The following ASTN2 variants were observed in gnomAD, a reference collection of about 807,000 sequenced individuals.
The protein encoded by ASTN2 is astrotactin-2.
In ASTN2, 54 loss-of-function variants were observed where a neutral mutation model predicts 139.8. That is an observed-to-expected ratio of 0.39 (90% confidence interval 0.31 to 0.48). ASTN2 has a LOEUF of 0.48. Among genes scored for constraint, ASTN2 ranks in the 20% least tolerant of loss-of-function variants. ASTN2 has a pLI of 0.95. For synonymous variants in ASTN2, 756 were observed against 719.5 expected (o/e 1.05, Z -0.81); for missense variants, 1,565 against 1,725.1 (o/e 0.91, Z 1.64).
At chr9:116,899,754 A>G (rs1445703825) in intron 10 of ASTN2, among the ~76,000 whole-genome samples, 1 of 152,232 alleles carries the variant, frequency 6.6e-6, no homozygotes, top group Non-Finnish European at 1.5e-5. Flanking sequence ...CACAGGATTA[A>G]AAGTTATGGC....
At chr9:116,651,425 G>C (rs1184202243) in intron 17 of ASTN2, 103 bp downstream of exon 17, 2 of 1,288,606 alleles carry the variant, frequency 1.6e-6, no homozygotes, top group Non-Finnish European at 1.1e-6. Flanking sequence ...ATGATGATAT[G>C]ATGATGATCA....
intron 3 of ASTN2, among the ~76,000 whole-genome samples, chr9:117,189,807 TA>T (rs1831300331): frequency 6.6e-6 from 1 of 152,116 alleles, no homozygotes; most frequent in Non-Finnish European, 1.5e-5. Context: ...GCCTGGCTGG[TA>T]AAACAAAACT....
intron 3 of ASTN2, among the ~76,000 whole-genome samples, chr9:117,183,012 G>A (rs1193690036): frequency 2.0e-5 from 3 of 152,200 alleles, no homozygotes; most frequent in Non-Finnish European, 4.4e-5. Context: ...TTGGTTGAAC[G>A]CTACATACCC....
chr9:116,802,083 CT>C (rs796156202), intron 13 of ASTN2, among the ~76,000 whole-genome samples: 145 of 121,712 alleles, frequency 1.2e-3, no homozygotes, highest in African/African-American at 3.3e-3. Context: ...TTCTTTCTTT[CT>C]TTTTTTTTTT....
intron 4 of ASTN2, among the ~76,000 whole-genome samples, chr9:117,137,182 C>G (rs1330516264): frequency 6.6e-6 from 1 of 152,150 alleles, no homozygotes; most frequent in East Asian, 1.9e-4. Context: ...CTTCCTCTGT[C>G]TGGCTAAGAA....
intron 20 of ASTN2, among the ~76,000 whole-genome samples, chr9:116,456,006 A>G (rs1417150241): frequency 6.6e-6 from 1 of 152,136 alleles, no homozygotes; most frequent in Admixed American, 6.5e-5. Context: ...TAGTACTAGA[A>G]GCCTAGCTAG....
chr9:116,986,216 T>C (rs1177591743), intron 7 of ASTN2, among the ~76,000 whole-genome samples: 2 of 126,006 alleles, frequency 1.6e-5, no homozygotes, highest in Admixed American at 1.9e-4. Context: ...TCCTTGCCCC[T>C]CTGGGCTGCA....
At chr9:116,996,574 C>A (rs1837022811) in intron 7 of ASTN2, among the ~76,000 whole-genome samples, 1 of 151,852 alleles carries the variant, frequency 6.6e-6, no homozygotes, top group South Asian at 2.1e-4. Flanking sequence ...AGGAGTGAAC[C>A]AACTAAAGAA....
At chr9:116,818,885 G>A (rs896706373) in intron 12 of ASTN2, among the ~76,000 whole-genome samples, 1 of 152,170 alleles carries the variant, frequency 6.6e-6, no homozygotes, top group African/African-American at 2.4e-5. Flanking sequence ...GAGATGTTGA[G>A]CCACATCACT....
chr9:117,162,042 T>G (rs1282301899), intron 3 of ASTN2, among the ~76,000 whole-genome samples: 1 of 151,924 alleles, frequency 6.6e-6, no homozygotes, highest in African/African-American at 2.4e-5. Context: ...AAATGGAAAT[T>G]TCAGCTCAGA....
chr9:116,556,734 T>C (rs1302593023), intron 19 of ASTN2, among the ~76,000 whole-genome samples: 3 of 152,180 alleles, frequency 2.0e-5, no homozygotes, highest in Admixed American at 6.5e-5. Flanking sequence ...ATAACTCTTT[T>C]ATAAGCAAAT....
At chr9:117,075,287 G>A (rs1828249306) in intron 5 of ASTN2, among the ~76,000 whole-genome samples, 1 of 152,130 alleles carries the variant, frequency 6.6e-6, no homozygotes, top group Non-Finnish European at 1.5e-5. Context: ...CTAGCCCCAG[G>A]GAGTGATTTA....
chr9:117,258,351 C>T (rs1833741189), intron 2 of ASTN2, among the ~76,000 whole-genome samples: 1 of 152,098 alleles, frequency 6.6e-6, no homozygotes, highest in African/African-American at 2.4e-5. Flanking sequence ...TTTAATGTTG[C>T]AAATTGTTAC....
At chr9:117,009,252 G>A (rs781349327) in intron 6 of ASTN2, among the ~76,000 whole-genome samples, 2 of 151,946 alleles carry the variant, frequency 1.3e-5, no homozygotes, top group Non-Finnish European at 1.5e-5. Context: ...GAATACTTGC[G>A]TAGGCCAATA....
intron 19 of ASTN2, among the ~76,000 whole-genome samples, chr9:116,564,647 TG>T (rs1853091828): frequency 2.6e-5 from 4 of 152,240 alleles, no homozygotes; most frequent in African/African-American, 7.2e-5. Context: ...ACTTCTTGGC[TG>T]ATAGTCTACA....
At chr9:117,197,268 AACCATCTCTGACAGAGGATG>A (rs1453019501) in intron 3 of ASTN2, 1 of 152,294 alleles carries the variant, frequency 6.6e-6, no homozygotes, top group African/African-American at 2.4e-5. Context: ...TGAAGAGGAT[AACCATCTCTGACAGAGGATG>A]ACTGGTCTTT....
intron 12 of ASTN2, among the ~76,000 whole-genome samples, chr9:116,808,489 T>G (rs1413766513): frequency 6.6e-6 from 1 of 152,178 alleles, no homozygotes; most frequent in Non-Finnish European, 1.5e-5. Flanking sequence ...TTCAAAACAC[T>G]ATATATATAG....
chr9:116,460,381 T>C (rs1848450389), intron 20 of ASTN2, among the ~76,000 whole-genome samples: 1 of 152,162 alleles, frequency 6.6e-6, no homozygotes, highest in South Asian at 2.1e-4. Context: ...AATTGTAGCC[T>C]TAAAAAGGTG....
At chr9:116,644,067 G>C (rs1203230688) in intron 17 of ASTN2, among the ~76,000 whole-genome samples, 3 of 152,142 alleles carry the variant, frequency 2.0e-5, no homozygotes, top group Admixed American at 2.0e-4. Flanking sequence ...GGGTGATGCT[G>C]GTAGTGATAG....
Sources: allele counts gnomAD v4.1 joint callset (sites outside exome capture counted in the v4.1 genomes callset), GRCh38; gene constraint gnomAD v4.1.1; transcripts MANE v1.5; gene names NCBI Gene and HGNC (gene_info 2026-07-23, HGNC 2026-07-21).